The following GRM5 variants were observed in gnomAD, a reference collection of about 807,000 sequenced individuals.
GRM5 encodes the protein glutamate metabotropic receptor 5.
A neutral mutation model predicts 83.1 loss-of-function variants in GRM5; 19 were observed. The observed-to-expected ratio is 0.23, with a 90% CI of 0.16 to 0.34. The LOEUF is 0.34. GRM5 is among the 10% of genes least tolerant of loss of function. The pLI, the probability that GRM5 is intolerant of heterozygous loss-of-function variation, is 1.00. For missense variants in GRM5, 1,160 were observed against 1,588.3 expected (o/e 0.73, Z 4.58); for synonymous variants, 675 against 633.6 (o/e 1.07, Z -0.98).
chr11:88,782,454 G>C (rs1321823676), intron 3 of GRM5, among the ~76,000 whole-genome samples: 2 of 152,112 alleles, frequency 1.3e-5, no homozygotes, highest in African/African-American at 4.8e-5. Flanking sequence ...ACTGTCACAA[G>C]AAAAGCATAG....
intron 1 of GRM5, among the ~76,000 whole-genome samples, chr11:89,061,149 A>C (rs1941983664): frequency 6.6e-6 from 1 of 152,086 alleles, no homozygotes; most frequent in East Asian, 1.9e-4. Context: ...TACATGATCT[A>C]TCTATCTATA....
rs1048951829 is a variant in GRM5, at chr11:88,636,933, C to T, written c.1147+16235G>A. Among the ~76,000 whole-genome samples, 8 of 152,250 alleles carry T rather than the reference C, an allele frequency of 5.3e-5. No homozygotes were observed. In the East Asian group the frequency reaches 7.7e-4, roughly 15 times the overall value. On this transcript the variant is annotated intron_variant, in intron 4 of 9. Transcript: ENST00000305447. ...TATATCTCTATTTTGGTACCAGTAC[C>T]GTGCTGTTTTGGTTACCGTAGCCTT...
At chr11:88,636,173 G>A (rs1256604748) in intron 4 of GRM5, among the ~76,000 whole-genome samples, 1 of 152,086 alleles carries the variant, frequency 6.6e-6, no homozygotes, top group African/African-American at 2.4e-5. Flanking sequence ...AGAATTGAAA[G>A]CCAACCTCCT....
rs542976988 is a variant in GRM5, at chr11:88,712,959, T to C, written c.912-59556A>G. 3.3e-5 allele frequency among the ~76,000 whole-genome samples: 5 copies of C among 152,022 alleles called. No homozygotes were observed. The East Asian group carries it at 9.7e-4, about 29-fold the overall frequency. On this transcript the variant is annotated intron_variant, in intron 3 of 9. Coordinates refer to ENST00000305447, the MANE Select transcript of GRM5 (RefSeq NM_001143831.3). ...ATCTTTGATATTCAGTGAGGTTTGTTTCTTCCGTTTGGTCAAGGCCTGGGG... is the reference window on the plus strand; with the variant it reads ...ATCTTTGATATTCAGTGAGGTTTGTCTCTTCCGTTTGGTCAAGGCCTGGGG...
chr11:88,593,688 C>G (rs556263172), intron 6 of GRM5, among the ~76,000 whole-genome samples: 1 of 127,874 alleles, frequency 7.8e-6, no homozygotes, highest in South Asian at 2.5e-4. Context: ...AAAAAAAAAA[C>G]AAAAAATTCT....
chr11:88,798,825 A>AAACAAC (rs1555017420), intron 3 of GRM5, among the ~76,000 whole-genome samples: 1 of 145,236 alleles, frequency 6.9e-6, no homozygotes, highest in Non-Finnish European at 1.5e-5. Flanking sequence ...AAAAAAAAAA[A>AAACAAC]AACAACAACA....
chr11:88,805,589 C>A (rs1343264562), intron 3 of GRM5, among the ~76,000 whole-genome samples: 1 of 152,046 alleles, frequency 6.6e-6, no homozygotes, highest in East Asian at 1.9e-4. Flanking sequence ...TTTACTAATA[C>A]AAAGCAAAAA....
At chr11:88,737,020 C>A (rs531188958) in intron 3 of GRM5, among the ~76,000 whole-genome samples, 4 of 151,994 alleles carry the variant, frequency 2.6e-5, no homozygotes, top group Non-Finnish European at 5.9e-5. Flanking sequence ...GTTATCTAAA[C>A]AAATTGATTA....
intron 2 of GRM5, among the ~76,000 whole-genome samples, chr11:88,867,006 A>T (rs1944679835): frequency 1.3e-5 from 2 of 151,726 alleles, no homozygotes; most frequent in Non-Finnish European, 2.9e-5. Context: ...GTCAAAGATC[A>T]GGTGGTTGTA....
chr11:88,913,821 A>G (rs1270783154), intron 2 of GRM5, among the ~76,000 whole-genome samples: 2 of 151,912 alleles, frequency 1.3e-5, no homozygotes, highest in Non-Finnish European at 2.9e-5. Context: ...TCCTGACTTC[A>G]AGTGTTTTAC....
At chr11:88,547,353 G>A (rs1942407890) in intron 8 of GRM5, among the ~76,000 whole-genome samples, 1 of 152,156 alleles carries the variant, frequency 6.6e-6, no homozygotes, top group Admixed American at 6.5e-5. Flanking sequence ...AATTGAAAGT[G>A]TAATGATGGG....
At chr11:88,919,264 A>ATAT (rs1945649551) in intron 2 of GRM5, among the ~76,000 whole-genome samples, 1 of 106,404 alleles carries the variant, frequency 9.4e-6, no homozygotes, top group Non-Finnish European at 2.1e-5. Flanking sequence ...ATATCGGATA[A>ATAT]AATAGATTTT....
In GRM5 at chr11:88,991,691, C is replaced by T. The variant is rs544801628; in HGVS notation, c.661+55521G>A. ...TATAGATCAATGGAACAGAACAGAGCCCTCAGAAATAACGCCGCATATCTA... is the reference window on the plus strand; with the variant it reads ...TATAGATCAATGGAACAGAACAGAGTCCTCAGAAATAACGCCGCATATCTA... On this transcript the variant is annotated intron_variant, in intron 2 of 9. Coordinates refer to ENST00000305447, the MANE Select transcript of GRM5 (RefSeq NM_001143831.3). Among the ~76,000 whole-genome samples the T allele has an allele frequency of 4.5e-4, 68 of 151,558 alleles. 1 individual carries two copies. In the East Asian group the frequency reaches 0.012, roughly 27 times the overall value.
At chr11:88,756,492 AT>A (rs913035448) in intron 3 of GRM5, among the ~76,000 whole-genome samples, 3 of 152,158 alleles carry the variant, frequency 2.0e-5, no homozygotes, top group Admixed American at 6.5e-5. Context: ...GCATGACAAG[AT>A]TTTATAAAAA....
At chr11:88,969,452 T>C (rs1309233324) in intron 2 of GRM5, among the ~76,000 whole-genome samples, 1 of 152,066 alleles carries the variant, frequency 6.6e-6, no homozygotes, top group Non-Finnish European at 1.5e-5. Context: ...CAAAAGAACA[T>C]CTTTATGTCA....
intron 4 of GRM5, among the ~76,000 whole-genome samples, chr11:88,620,903 C>G (rs558006462): frequency 1.3e-5 from 2 of 152,168 alleles, no homozygotes; most frequent in Non-Finnish European, 2.9e-5. Context: ...AACACAGCAG[C>G]TGCAGAAAGA....
intron 3 of GRM5, among the ~76,000 whole-genome samples, chr11:88,770,276 A>G (rs919196159): frequency 1.1e-4 from 16 of 152,094 alleles, no homozygotes; most frequent in African/African-American, 3.4e-4. Flanking sequence ...AGAACAGAAA[A>G]AGGGCATTAG....
chr11:88,610,028 A>G (rs185470236), intron 4 of GRM5, among the ~76,000 whole-genome samples: 299 of 152,212 alleles, frequency 2.0e-3, no homozygotes, highest in African/African-American at 6.8e-3. Flanking sequence ...ACTTTGTTGA[A>G]GATCAGTTGA....
intron 3 of GRM5, among the ~76,000 whole-genome samples, chr11:88,748,423 G>C (rs946270671): frequency 3.9e-5 from 6 of 152,146 alleles, no homozygotes; most frequent in African/African-American, 1.4e-4. Context: ...GCCAACAGCA[G>C]TGGGTTGAGG....
Sources: gnomAD v4.1 joint callset for allele counts (sites outside exome capture counted in the v4.1 genomes callset) on GRCh38, gnomAD v4.1.1 for gene constraint, MANE v1.5 for transcripts, NCBI Gene and HGNC (gene_info 2026-07-23, HGNC 2026-07-21) for gene names.